Variants in SAFB2 observed in about 807,000 individuals in gnomAD.
The protein encoded by SAFB2 is scaffold attachment factor B2.
A neutral mutation model predicts 100.6 loss-of-function variants in SAFB2; 32 were observed. That is an observed-to-expected ratio of 0.32 (90% CI 0.24 to 0.43). The LOEUF is 0.43. Among genes scored for constraint, SAFB2 ranks in the 20% least tolerant of loss-of-function variants. The probability of loss-of-function intolerance (pLI) is 1.00; values close to 1 mark genes in which losing one functional copy is unlikely to be tolerated. For synonymous variants in SAFB2, 500 were observed against 439.4 expected, an observed-to-expected ratio of 1.14 and a Z score of -1.72; for missense variants, 1,185 against 1,163.4, an observed-to-expected ratio of 1.02 and a Z score of -0.27.
At chr19:5,589,944 G>C (rs529330114) in intron 18 of SAFB2, among the ~76,000 whole-genome samples, 15 of 152,190 alleles carry the variant, frequency 9.9e-5, no homozygotes, top group Non-Finnish European at 1.9e-4. Context: ...GCTCTACCAC[G>C]GACGGGGCAG....
chr19:5,591,007 T>C (rs1359602098), intron 17 of SAFB2, among the ~76,000 whole-genome samples: 1 of 152,038 alleles, frequency 6.6e-6, no homozygotes, highest in African/African-American at 2.4e-5. Flanking sequence ...CTTGTGGTCT[T>C]CAGCCCCCCG....
At chr19:5,599,825 C>T (rs1306367767) in intron 12 of SAFB2, among the ~76,000 whole-genome samples, 2 of 152,260 alleles carry the variant, frequency 1.3e-5, no homozygotes, top group Middle Eastern at 3.4e-3. Flanking sequence ...ACAAGAAACT[C>T]GGACAACTCA....
chr19:5,591,717 C>A (rs745979173), intron 17 of SAFB2, 31 bp downstream of exon 17: 2 of 1,607,936 alleles, frequency 1.2e-6, no homozygotes, highest in Admixed American at 1.7e-5. Flanking sequence ...AGTACAGTGG[C>A]CCCAGGGCTT....
Position 5,590,512 on chromosome 19 carries a change from G to A in SAFB2, c.2395-104C>T, listed in dbSNP as rs1278498355. 4.5e-5 allele frequency: 58 copies of A among 1,302,220 alleles called. 1 individual carries two copies. The South Asian group carries it at 6.7e-4, about 15-fold the overall frequency. The allele number at this position is 1,302,220 out of a possible 1,614,324, so 80.7% of individuals were successfully genotyped here. On this transcript the variant is annotated intron_variant, in intron 17 of 20. Transcript: ENST00000252542. ...CAGGCCCCAGGGTGGCAGGTGGGGC[G>A]GAGCTGAGAGAGGACTGAAGGGTGC...
Position 5,611,364 on chromosome 19 carries a change from C to G in SAFB2, c.901G>C (p.Gly301Arg). 2.8e-6 allele frequency: 1 copy of G among 353,764 alleles called. No homozygotes were observed. Among genetic ancestry groups the G allele is most frequent in the South Asian group, 2.4e-5 (1 of 41,656 alleles). 21.9% of individuals were successfully genotyped at this position (353,764 alleles called of 1,614,324 possible). The change falls in exon 7 of 21, where the codon GGC (glycine) becomes CGC (arginine). Residue 301 changes from glycine to arginine, a missense_variant. This residue lies in a region of SAFB2 where 351 missense variants were observed against 341.2 expected (regional missense o/e 1.03). Coordinates refer to ENST00000252542, the MANE Select transcript of SAFB2 (RefSeq NM_014649.3). ...TCACAGTCCGTCCTCTCGCCATCGC[C>G]TGGCTGCTCCGCGGGCTCCCTTTTC... ...VVKREPAEQP[G>R]DGERTDCEPV...
chr19:5,614,573 T>G (rs1418447371), intron 4 of SAFB2, among the ~76,000 whole-genome samples: 1 of 152,208 alleles, frequency 6.6e-6, no homozygotes, highest in African/African-American at 2.4e-5. Flanking sequence ...AGGCAATGAC[T>G]TTTGACCGTA....
intron 13 of SAFB2, among the ~76,000 whole-genome samples, chr19:5,595,828 G>A (rs2145324076): frequency 6.6e-6 from 1 of 152,342 alleles, no homozygotes; most frequent in African/African-American, 2.4e-5. Flanking sequence ...GCCTCTCAGA[G>A]CCACGGGCAC....
At chr19:5,591,935 A>G in intron 16 of SAFB2, 142 bp from the exon 17 acceptor site, 1 of 776,482 alleles carries the variant, frequency 1.3e-6, no homozygotes, top group Non-Finnish European at 2.1e-6. Flanking sequence ...GGAAAAAGCT[A>G]GCTCAAATCG....
intron 4 of SAFB2, among the ~76,000 whole-genome samples, chr19:5,615,160 A>T (rs183958672): frequency 3.3e-5 from 5 of 152,158 alleles, no homozygotes; most frequent in Non-Finnish European, 7.4e-5. Flanking sequence ...GGAGACCATC[A>T]TGGCCAACAT....
intron 13 of SAFB2, 157 bp downstream of exon 13, chr19:5,598,636 A>C: frequency 1.5e-6 from 1 of 652,764 alleles, no homozygotes; most frequent in Admixed American, 2.3e-5. Context: ...ACCAGGATTC[A>C]TGTGTGTGTC....
At chr19:5,617,531 C>T (rs1286551391) in intron 2 of SAFB2, among the ~76,000 whole-genome samples, 3 of 152,136 alleles carry the variant, frequency 2.0e-5, no homozygotes, top group Non-Finnish European at 2.9e-5. Flanking sequence ...GATATCTGTC[C>T]TATTATACCT....
intron 14 of SAFB2, among the ~76,000 whole-genome samples, chr19:5,594,977 T>G (rs2052505280): frequency 1.3e-5 from 2 of 152,110 alleles, no homozygotes; most frequent in Admixed American, 1.3e-4. Flanking sequence ...ACCTCCTGAG[T>G]AGCTGGGACT....
Position 5,587,079 on chromosome 19 carries a change from AC to A in SAFB2, c.*163del. 2 of 876,996 alleles carry A rather than the reference AC, an allele frequency of 2.3e-6. No homozygotes were observed. The highest frequency in any genetic ancestry group is 3.5e-6 in the Non-Finnish European group (2 of 573,612). The allele number at this position is 876,996 out of a possible 1,614,324, so 54.3% of individuals were successfully genotyped here. ...GATTTAAAAATGGCAGAACAAGAAC[AC>A]ATTTATTTAAAAAAAAAAAAAAAGT... On this transcript the variant is annotated 3_prime_UTR_variant, in exon 21 of 21. Transcript: ENST00000252542. This position sits in a 1 kb window ranked among gnomAD's most constrained non-coding sequence, Gnocchi z 4.9.
At position 5,600,197 on chromosome 19, in the gene SAFB2, C is replaced by T; in HGVS notation, c.1623G>A (p.Lys541=). The T allele has an allele frequency of 1.2e-6, 2 of 1,614,096 alleles. No homozygotes were observed. The highest frequency in any genetic ancestry group is 1.7e-6 in the Non-Finnish European group (2 of 1,179,996). The stretch of plus-strand genomic sequence containing the variant: ...GCTCATCCTGGTCTTTTTCTTCCTT[C>T]TTAATGTCTTCAGGCTTTTTTTCCT... ...KKEEKKPEDI[K]KEEKDQDELK... Residue 541 remains lysine, a synonymous_variant, in exon 12 of 21, where the codon AAG becomes AAA. Transcript: ENST00000252542.
In SAFB2 at chr19:5,591,759, G is replaced by A. The variant is rs770918563; in HGVS notation, c.2383C>T (p.Arg795Trp). The change falls in exon 17 of 21, where the codon CGG (arginine) becomes TGG (tryptophan). Residue 795 changes from arginine to tryptophan, a missense_variant. Arg to Trp is a moderately radical substitution (Grantham distance 101). Around this residue, in one of 3 missense-constraint regions of SAFB2, gnomAD observed 740 missense variants for 687.1 expected, o/e 1.08. Transcript: ENST00000252542. The stretch of plus-strand genomic sequence containing the variant: ...GGGGCTCTACTCACCTGCCCATCCC[G>A]GTGGTCTCCCATCATTGGCCTCGAA... Reference protein sequence around the residue: ...EGSRPMMGDHRDGQHYGDDRH... With the variant: ...EGSRPMMGDHWDGQHYGDDRH... The A allele has an allele frequency of 9.9e-6, 16 of 1,613,780 alleles. No homozygotes were observed. In the Admixed American group the frequency reaches 1.5e-4, roughly 15 times the overall value.
intron 9 of SAFB2, among the ~76,000 whole-genome samples, chr19:5,608,496 A>T (rs1169884598): frequency 6.6e-6 from 1 of 152,254 alleles, no homozygotes; most frequent in Non-Finnish European, 1.5e-5. Context: ...CTGAACACAC[A>T]GACTGTTCAG....
intron 9 of SAFB2, among the ~76,000 whole-genome samples, chr19:5,608,903 C>A (rs2052837992): frequency 1.3e-5 from 2 of 151,912 alleles, no homozygotes; most frequent in African/African-American, 2.4e-5. Context: ...CAAAAATTAG[C>A]CAGGCATGGT....
intron 15 of SAFB2, among the ~76,000 whole-genome samples, chr19:5,593,180 C>T (rs1389515275): frequency 6.6e-6 from 1 of 152,216 alleles, no homozygotes; most frequent in Non-Finnish European, 1.5e-5. Flanking sequence ...CCCTCATGAG[C>T]AACTGAAAAG....
chr19:5,598,060 AG>A (rs1398116969), intron 13 of SAFB2, among the ~76,000 whole-genome samples: 2 of 150,630 alleles, frequency 1.3e-5, no homozygotes, highest in African/African-American at 4.9e-5. Context: ...GCTTGAACCC[AG>A]GAGGCAGTGG....
Sources: gnomAD v4.1 joint callset for allele counts (sites outside exome capture counted in the v4.1 genomes callset) on GRCh38, gnomAD v4.1.1 for gene constraint, gnomAD v4.1.1 regional missense constraint, Gnocchi (gnomAD v3.1) non-coding constraint, MANE v1.5 for transcripts, NCBI Gene and HGNC (gene_info 2026-07-23, HGNC 2026-07-21) for gene names.